FXR1: variants seen among roughly 807,000 people sequenced by gnomAD.
FXR1 encodes RNA-binding protein FXR1.
A neutral mutation model predicts 84.0 loss-of-function variants in FXR1; 15 were observed. That is an observed-to-expected ratio of 0.18 (90% CI 0.12 to 0.27). The LOEUF (loss-of-function observed/expected upper bound fraction) is 0.27. Among genes scored for constraint, FXR1 ranks in the 10% least tolerant of loss-of-function variants. The pLI is 1.00. For missense variants in FXR1, 480 were observed against 774.4 expected (o/e 0.62, Z 4.51); for synonymous variants, 245 against 250.7 (o/e 0.98, Z 0.21).
At chr3:180,949,777 C>G (rs1805576) in intron 7 of FXR1, among the ~76,000 whole-genome samples, 36,412 of 152,098 alleles carry the variant, frequency 0.24, 4,564 homozygotes, top group African/African-American at 0.31. Context: ...GTCCGTAGAA[C>G]AATTGCTTTT....
rs1436957505 is a variant in FXR1, at chr3:180,968,270, C to G, written c.1402+16C>G. ...ATCAGTTCTGGTAGTCTTTTCTATACTCTGTCAGCATCCATTATTTGTAAA... is the reference window on the plus strand; with the variant it reads ...ATCAGTTCTGGTAGTCTTTTCTATAGTCTGTCAGCATCCATTATTTGTAAA... On this transcript the variant is annotated intron_variant, in intron 14 of 16. Coordinates refer to ENST00000357559, the MANE Select transcript of FXR1 (RefSeq NM_005087.4). 1.3e-6 allele frequency: 2 copies of G among 1,497,410 alleles called. No homozygotes were observed. Among genetic ancestry groups the G allele is most frequent in the Non-Finnish European group, 1.9e-6 (2 of 1,073,948 alleles). The allele number at this position is 1,497,410 out of a possible 1,614,324, so 92.8% of individuals were successfully genotyped here. A position where few individuals can be genotyped will look rare whatever the true frequency, so the allele number is the denominator to read the frequency against.
At chr3:180,928,994 T>C (rs1395782439) in intron 1 of FXR1, among the ~76,000 whole-genome samples, 1 of 152,104 alleles carries the variant, frequency 6.6e-6, no homozygotes. Flanking sequence ...CTTTCTCGGC[T>C]CACTGCAGCC....
rs1399451284 is a variant in FXR1, at chr3:180,978,403, T to A, written c.*2111T>A. 6.6e-6 allele frequency: 1 copy of A among 152,104 alleles called. No individual in the cohort carries two copies. The highest frequency in any genetic ancestry group is 6.6e-5 in the Admixed American group (1 of 15,260). The allele number at this position is 152,104 out of a possible 1,614,324, so 9.4% of individuals were successfully genotyped here. Reference sequence around the variant, plus strand: ...CTTGTCCTTTAAAAAATATAGGTAGTGCAGAATTGTGATAAATACGCATTT... The same window carrying A: ...CTTGTCCTTTAAAAAATATAGGTAGAGCAGAATTGTGATAAATACGCATTT... On this transcript the variant is annotated 3_prime_UTR_variant, in exon 17 of 17. Coordinates refer to ENST00000357559, the MANE Select transcript of FXR1 (RefSeq NM_005087.4).
intron 10 of FXR1, 77 bp from the exon 11 acceptor site, chr3:180,961,391 G>T: frequency 4.0e-6 from 2 of 498,756 alleles, no homozygotes; most frequent in South Asian, 2.5e-5. Flanking sequence ...GTGCCTGCCT[G>T]TCAGTTTCAT....
At chr3:180,914,019 A>G (rs911236380) in intron 1 of FXR1, among the ~76,000 whole-genome samples, 9 of 152,340 alleles carry the variant, frequency 5.9e-5, no homozygotes, top group African/African-American at 2.2e-4. Flanking sequence ...GTCACGTGGT[A>G]CCAGCATAAT....
At position 180,975,399 on chromosome 3, in the gene FXR1, G is replaced by C. The variant is rs777772932; in HGVS notation, c.1690G>C (p.Glu564Gln). The C allele has an allele frequency of 1.5e-6, 2 of 1,297,278 alleles. No individual in the cohort carries two copies. The highest frequency in any genetic ancestry group is 2.2e-6 in the Non-Finnish European group (2 of 913,196). The allele number at this position is 1,297,278 out of a possible 1,614,324, so 80.4% of individuals were successfully genotyped here. The part of the protein sequence containing the change: ...PRETLAKNKK[E>Q]MAKDVIEEHG... The stretch of plus-strand genomic sequence containing the variant: ...GGAAACTTTGGCTAAAAACAAGAAA[G>C]AAATGGTAAGGAGAATTTAACCTGT... Residue 564 changes from glutamate (E) to glutamine (Q), a missense_variant, in exon 16 of 17, where the codon GAA (glutamate) becomes CAA (glutamine). By Grantham distance (29) the Glu-to-Gln change is conservative. Around this residue, in one of 6 missense-constraint regions of FXR1, gnomAD observed 94 missense variants for 81.8 expected, o/e 1.15. Coordinates refer to ENST00000357559, the MANE Select transcript of FXR1 (RefSeq NM_005087.4).
chr3:180,950,571 T>G (rs1045746347), intron 7 of FXR1, among the ~76,000 whole-genome samples: 3 of 152,186 alleles, frequency 2.0e-5, no homozygotes, highest in African/African-American at 7.2e-5. Context: ...ATGTTTACAT[T>G]ATTGATCAAT....
At chr3:180,942,887 G>C (rs560384695) in intron 3 of FXR1, among the ~76,000 whole-genome samples, 2 of 152,322 alleles carry the variant, frequency 1.3e-5, no homozygotes, top group Non-Finnish European at 2.9e-5. Flanking sequence ...GCTTATTGAA[G>C]TGATATTTTA....
In FXR1 at chr3:180,954,853, ATACT is replaced by A. The variant is rs572363879; in HGVS notation, c.880+1015_880+1018del. On this transcript the variant is annotated intron_variant, in intron 9 of 16. Coordinates refer to ENST00000357559, the MANE Select transcript of FXR1 (RefSeq NM_005087.4). Reference sequence around the variant, plus strand: ...AAAACAAACGTTAATAGAAAAATAAATACTTCCATTCTAAAAAGATTTTTTTTTT... The same window carrying A: ...AAAACAAACGTTAATAGAAAAATAAATCCATTCTAAAAAGATTTTTTTTTT... 4.0e-5 allele frequency among the ~76,000 whole-genome samples: 6 copies of A among 149,724 alleles called. No individual in the cohort carries two copies. In the East Asian group the frequency reaches 1.2e-3, roughly 29 times the overall value.
chr3:180,966,069 T>C (rs939035042), intron 13 of FXR1, among the ~76,000 whole-genome samples: 1 of 152,162 alleles, frequency 6.6e-6, no homozygotes, highest in African/African-American at 2.4e-5. Flanking sequence ...ATTCAGAAGT[T>C]CTTAAACATT....
At chr3:180,974,785 G>A (rs1029261253) in intron 15 of FXR1, among the ~76,000 whole-genome samples, 1 of 151,792 alleles carries the variant, frequency 6.6e-6, no homozygotes, top group Non-Finnish European at 1.5e-5. Flanking sequence ...AGTGTGAAAC[G>A]TTAAAACAAA....
intron 10 of FXR1, among the ~76,000 whole-genome samples, chr3:180,959,608 C>CTATG (rs1711827109): frequency 6.6e-6 from 1 of 151,986 alleles, no homozygotes; most frequent in Non-Finnish European, 1.5e-5. Context: ...TGAAAACAGG[C>CTATG]TATGTGCTTA....
chr3:180,972,569 C>T (rs1330975686), intron 15 of FXR1, among the ~76,000 whole-genome samples: 1 of 152,168 alleles, frequency 6.6e-6, no homozygotes, highest in Admixed American at 6.5e-5. Context: ...ATGAACTTAA[C>T]AGAATATATT....
intron 15 of FXR1, among the ~76,000 whole-genome samples, chr3:180,972,707 T>C (rs1713736493): frequency 1.3e-5 from 2 of 152,214 alleles, no homozygotes; most frequent in Non-Finnish European, 2.9e-5. Flanking sequence ...TTGAGTAGTT[T>C]GGAGGCTTCA....
At chr3:180,958,369 T>C (rs913612503) in intron 10 of FXR1, among the ~76,000 whole-genome samples, 3 of 152,132 alleles carry the variant, frequency 2.0e-5, no homozygotes, top group Non-Finnish European at 4.4e-5. Context: ...ATATGTAGTC[T>C]TTTATCTCTC....
In FXR1 at chr3:180,953,804, G is replaced by T. The variant is rs774417335; in HGVS notation, c.844G>T (p.Val282Leu). The T allele has an allele frequency of 6.3e-7, 1 of 1,588,440 alleles. No homozygotes were observed. Among genetic ancestry groups the T allele is most frequent in the Admixed American group, 1.7e-5 (1 of 59,718 alleles). Residue 282 changes from valine (V) to leucine (L), a missense_variant, in exon 9 of 17, where the codon GTG becomes TTG. Val to Leu is a conservative substitution (Grantham distance 32). Coordinates refer to ENST00000357559, the MANE Select transcript of FXR1 (RefSeq NM_005087.4). ...VKKARGFLEF[V>L]EDFIQVPRNL... ...AAAGGCTAGAGGTTTCTTGGAATTT[G>T]TGGAGGATTTTATTCAGGTTCCTAG...
At chr3:180,975,906 G>A (rs1714182137) in intron 16 of FXR1, among the ~76,000 whole-genome samples, 1 of 152,110 alleles carries the variant, frequency 6.6e-6, no homozygotes, top group Non-Finnish European at 1.5e-5. Context: ...TGTGGTTTGG[G>A]CACTGCTAGG....
intron 3 of FXR1, among the ~76,000 whole-genome samples, chr3:180,939,480 A>G (rs1347331529): frequency 6.6e-6 from 1 of 152,156 alleles, no homozygotes; most frequent in Non-Finnish European, 1.5e-5. Flanking sequence ...TGCCAAATGA[A>G]AGAGATGCAT....
chr3:180,971,104 A>G, intron 15 of FXR1: 1 of 1,271,602 alleles, frequency 7.9e-7, no homozygotes, highest in South Asian at 1.3e-5. Context: ...CCAGCGACGC[A>G]ATCGTAGCCG....
Sources: gnomAD v4.1 joint callset for allele counts (sites outside exome capture counted in the v4.1 genomes callset) on GRCh38, gnomAD v4.1.1 for gene constraint, gnomAD v4.1.1 regional missense constraint, MANE v1.5 for transcripts, NCBI Gene and HGNC (gene_info 2026-07-23, HGNC 2026-07-21) for gene names.